Variants in RAD51B observed in about 807,000 individuals in gnomAD.
RAD51B encodes DNA repair protein RAD51 homolog 2.
RAD51B carries 38 observed loss-of-function variants against 42.2 expected under a neutral mutation model. The ratio of observed to expected loss-of-function variants is 0.90; its 90% CI spans 0.70 to 1.18. RAD51B has a LOEUF of 1.18. Among genes scored for constraint, RAD51B ranks in the 50% most tolerant of loss-of-function variants. The pLI is 0.00. For synonymous variants in RAD51B, 154 were observed against 145.2 expected (o/e 1.06, Z -0.43); for missense variants, 373 against 400.7 (o/e 0.93, Z 0.59).
exon 11 of RAD51B, chr14:68,595,693 A>G (rs1183889987): frequency 2.2e-6 from 2 of 893,014 alleles, no homozygotes; most frequent in African/African-American, 3.5e-5. Flanking sequence ...TATTGGTTAA[A>G]TTAACATCTA....
chr14:68,127,604 AACACACACACACACACACACAC>A (rs1158570155), intron 7 of RAD51B, among the ~76,000 whole-genome samples: 1,459 of 133,632 alleles, frequency 0.011, 26 homozygotes, highest in African/African-American at 0.039. Flanking sequence ...TGTACATTGT[AACACACACACACACACACACAC>A]ACACACACAC....
intron 7 of RAD51B, among the ~76,000 whole-genome samples, chr14:68,026,261 T>G (rs532316365): frequency 3.7e-4 from 57 of 152,268 alleles, no homozygotes; most frequent in African/African-American, 1.3e-3. Context: ...TGCTTTATGA[T>G]CAAACATATG....
chr14:68,472,677 T>C lies in RAD51B; in HGVS notation c.1036+4427T>C, dbSNP rs114762561. ...GGTATGACAGGTTTAATTTGGATCC[T>C]GGGGCTGTCGTCTATTAGTGTAGGT... On this transcript the variant is annotated intron_variant, in intron 10 of 10. Coordinates refer to ENST00000471583, the MANE Select transcript of RAD51B (RefSeq NM_133510.4). Among the ~76,000 whole-genome samples the C allele has an allele frequency of 2.3e-3, 343 of 152,308 alleles. 2 individuals are homozygous for C. The highest frequency in any genetic ancestry group is 8.1e-3 in the African/African-American group (335 of 41,564).
chr14:67,998,636 C>T (rs1440121627), intron 7 of RAD51B, among the ~76,000 whole-genome samples: 1 of 152,182 alleles, frequency 6.6e-6, no homozygotes, highest in Non-Finnish European at 1.5e-5. Context: ...GCCGCAAGTG[C>T]CACTGGTGAG....
intron 10 of RAD51B, among the ~76,000 whole-genome samples, chr14:68,469,687 G>T (rs1267955112): frequency 2.6e-5 from 4 of 152,174 alleles, no homozygotes; most frequent in Non-Finnish European, 5.9e-5. Flanking sequence ...ACACAGGGTG[G>T]CATTCAGCTC....
At chr14:68,093,196 A>G (rs938754375) in intron 7 of RAD51B, among the ~76,000 whole-genome samples, 1 of 151,838 alleles carries the variant, frequency 6.6e-6, no homozygotes, top group African/African-American at 2.4e-5. Context: ...CTTTGGTATC[A>G]GGATGATGCT....
intron 7 of RAD51B, among the ~76,000 whole-genome samples, chr14:68,208,431 A>C (rs1208275428): frequency 6.6e-6 from 1 of 152,202 alleles, no homozygotes; most frequent in East Asian, 1.9e-4. Flanking sequence ...CCCACTTTGA[A>C]AGCCAAGATA....
intron 7 of RAD51B, among the ~76,000 whole-genome samples, chr14:67,961,812 T>C (rs1373891637): frequency 6.6e-6 from 1 of 152,212 alleles, no homozygotes; most frequent in Admixed American, 6.5e-5. Flanking sequence ...TGTAAACATA[T>C]TATGTTCACT....
chr14:68,358,822 TAAAAA>T (rs1344196285), intron 8 of RAD51B, among the ~76,000 whole-genome samples: 1 of 152,226 alleles, frequency 6.6e-6, no homozygotes, highest in East Asian at 1.9e-4. Flanking sequence ...AAGAAATTAT[TAAAAA>T]TTATTTGAAA....
intron 8 of RAD51B, among the ~76,000 whole-genome samples, chr14:68,292,321 G>A (rs763488835): frequency 6.6e-6 from 1 of 152,146 alleles, no homozygotes; most frequent in Non-Finnish European, 1.5e-5. Context: ...TAGCAATTTA[G>A]CCTTTTGCTT....
chr14:68,478,610 C>A (rs1430179515), downstream of RAD51B, among the ~76,000 whole-genome samples: 1 of 152,264 alleles, frequency 6.6e-6, no homozygotes, highest in Non-Finnish European at 1.5e-5. Context: ...GGCATTAAAT[C>A]TTTCCAGCCT....
intron 7 of RAD51B, among the ~76,000 whole-genome samples, chr14:68,261,147 G>C (rs944441431): frequency 6.6e-6 from 1 of 152,244 alleles, no homozygotes; most frequent in African/African-American, 2.4e-5. Context: ...GGATGTTGCA[G>C]CTTAAGGAAG....
chr14:68,681,429 G>A (rs1278865456), intron 11 of RAD51B, among the ~76,000 whole-genome samples: 3 of 152,166 alleles, frequency 2.0e-5, no homozygotes, highest in Non-Finnish European at 2.9e-5. Context: ...TCCAAGCAAC[G>A]TACCATGAAA....
At chr14:68,089,016 TA>T (rs553184982) in intron 7 of RAD51B, among the ~76,000 whole-genome samples, 3 of 152,144 alleles carry the variant, frequency 2.0e-5, no homozygotes, top group South Asian at 4.1e-4. Context: ...AAAACAAGTT[TA>T]AAAAAAATTT....
intron 10 of RAD51B, among the ~76,000 whole-genome samples, chr14:68,554,641 A>G (rs1034509442): frequency 2.6e-5 from 4 of 151,974 alleles, no homozygotes; most frequent in South Asian, 4.2e-4. Context: ...ATTTTCTTCC[A>G]TAGCATTTAT....
Position 68,165,678 on chromosome 14 carries a change from G to A in RAD51B, c.757-126206G>A, listed in dbSNP as rs1383546916. ...GTCAGTCCAAGACTGGACTGGATTT[G>A]TACTGGTAACCTGGTGGTGCAGGGC... is the stretch of plus-strand genomic sequence containing the variant. On this transcript the variant is annotated intron_variant, in intron 7 of 10. Coordinates refer to ENST00000471583, the MANE Select transcript of RAD51B (RefSeq NM_133510.4). Among the ~76,000 whole-genome samples, 4 of 152,250 alleles carry A rather than the reference G, an allele frequency of 2.6e-5. No individual in the cohort carries two copies. In the East Asian group the frequency reaches 7.7e-4, roughly 29 times the overall value.
At chr14:68,667,047 A>G (rs1343837894) in intron 11 of RAD51B, among the ~76,000 whole-genome samples, 1 of 152,218 alleles carries the variant, frequency 6.6e-6, no homozygotes, top group Admixed American at 6.5e-5. Context: ...GCAGGGGTTT[A>G]TTTGCCACAG....
At chr14:67,985,183 C>T (rs1426955405) in intron 7 of RAD51B, among the ~76,000 whole-genome samples, 1 of 152,086 alleles carries the variant, frequency 6.6e-6, no homozygotes, top group Non-Finnish European at 1.5e-5. Flanking sequence ...TGGTTTTATC[C>T]ACTGTTAACA....
intron 7 of RAD51B, among the ~76,000 whole-genome samples, chr14:67,970,967 T>C (rs941729761): frequency 2.6e-5 from 4 of 152,112 alleles, no homozygotes; most frequent in African/African-American, 7.2e-5. Flanking sequence ...AGTTCAGCAG[T>C]GTTTGCTGTA....
Sources: gnomAD v4.1 joint callset for allele counts (sites outside exome capture counted in the v4.1 genomes callset) on GRCh38, gnomAD v4.1.1 for gene constraint, MANE v1.5 for transcripts, NCBI Gene and HGNC (gene_info 2026-07-23, HGNC 2026-07-21) for gene names.